Variants in WIPF2 observed in about 807,000 individuals in gnomAD.
WIPF2 encodes the protein WAS/WASL-interacting protein family member 2.
WIPF2 carries 23 observed loss-of-function variants against 38.8 expected under a neutral mutation model. That is an observed-to-expected ratio of 0.59 (90% CI 0.43 to 0.84). WIPF2 has a LOEUF of 0.84. Ranked by LOEUF, WIPF2 falls within the 40% of genes least tolerant of loss-of-function variation. The pLI is 0.00. For missense variants in WIPF2, 574 were observed against 580.5 expected, an observed-to-expected ratio of 0.99 and a Z score of 0.11; for synonymous variants, 210 against 223.2, an observed-to-expected ratio of 0.94 and a Z score of 0.53.
rs1490606129 is a variant in WIPF2, at chr17:40,220,569, GTGTGTATATATATATATATATATATATA to G, written c.-70+1079_-70+1106del. On this transcript the variant is annotated intron_variant, in intron 1 of 7. Coordinates refer to ENST00000323571, the MANE Select transcript of WIPF2 (RefSeq NM_133264.5). Reference sequence around the variant, plus strand: ...ACCACTACTCCCGCCTAACGTGTGTGTGTGTATATATATATATATATATATATATATATATATATATATATATATGTAT... The same window carrying G: ...ACCACTACTCCCGCCTAACGTGTGTGTATATATATATATATATATATGTAT... 1.4e-3 allele frequency: 131 copies of G among 91,994 alleles called. 3 individuals are homozygous for G. Among genetic ancestry groups the G allele is most frequent in the African/African-American group, 5.9e-3 (127 of 21,376 alleles). The allele number at this position is 91,994 out of a possible 1,614,324, so 5.7% of individuals were successfully genotyped here. A position where few individuals can be genotyped will look rare whatever the true frequency, so the allele number is the denominator to read the frequency against.
chr17:40,250,944 C>T (rs1472157779), intron 1 of WIPF2, among the ~76,000 whole-genome samples: 23 of 121,834 alleles, frequency 1.9e-4, no homozygotes, highest in South Asian at 2.7e-4. Context: ...TTTTGAGTCT[C>T]GCTTTGTCAC....
At chr17:40,261,452 C>T (rs1400994051) in intron 3 of WIPF2, among the ~76,000 whole-genome samples, 1 of 151,942 alleles carries the variant, frequency 6.6e-6, no homozygotes, top group Non-Finnish European at 1.5e-5. Context: ...CACGTGCCAC[C>T]ACGCCTGGCT....
rs534941527 is a variant in WIPF2, at chr17:40,264,809, G to T, written c.633G>T (p.Pro211=). 1.2e-6 allele frequency: 2 copies of T among 1,603,020 alleles called. No individual in the cohort carries two copies. Among genetic ancestry groups the T allele is most frequent in the Admixed American group, 1.7e-5 (1 of 57,978 alleles). Residue 211 remains proline, a synonymous_variant, in exon 5 of 8, where the codon CCG becomes CCT. Coordinates refer to ENST00000323571, the MANE Select transcript of WIPF2 (RefSeq NM_133264.5). ...PAYNREKPLP[P]TPGQRLHPGR... ...ACAACAGAGAGAAACCCTTGCCACCGACGCCTGGACAAAGGCTTCACCCTG... is the reference window on the plus strand; with the variant it reads ...ACAACAGAGAGAAACCCTTGCCACCTACGCCTGGACAAAGGCTTCACCCTG...
chr17:40,281,338 C>T lies in WIPF2; in HGVS notation c.*3113C>T, dbSNP rs914232224. On this transcript the variant is annotated 3_prime_UTR_variant, in exon 8 of 8. Transcript: ENST00000323571. ...GCCCTGTCTGGGAAGCAGGGCAAAC[C>T]TCCAGGTTTTTAAATGAGCTAGATG... The T allele has an allele frequency of 2.6e-5, 4 of 152,168 alleles. No individual in the cohort carries two copies. The East Asian group carries it at 7.7e-4, about 29-fold the overall frequency. 9.4% of individuals were successfully genotyped at this position (152,168 alleles called of 1,614,324 possible). A position where few individuals can be genotyped will look rare whatever the true frequency, so the allele number is the denominator to read the frequency against.
intron 1 of WIPF2, among the ~76,000 whole-genome samples, chr17:40,238,682 G>A (rs181916567): frequency 1.3e-5 from 2 of 151,648 alleles, no homozygotes; most frequent in East Asian, 1.9e-4. Context: ...GCACAATCTC[G>A]GCTCACTGCA....
chr17:40,252,612 C>T (rs1011619038), intron 1 of WIPF2, among the ~76,000 whole-genome samples: 2 of 149,192 alleles, frequency 1.3e-5, no homozygotes, highest in African/African-American at 2.5e-5. Flanking sequence ...TGCAGCGAGC[C>T]GAGATGATGT....
At chr17:40,249,622 T>G (rs2031487356) in intron 1 of WIPF2, among the ~76,000 whole-genome samples, 1 of 150,870 alleles carries the variant, frequency 6.6e-6, no homozygotes, top group Non-Finnish European at 1.5e-5. Flanking sequence ...CCCGGCTAAT[T>G]TTGTATGTTT....
rs184143293 is a variant in WIPF2 at position 40,268,148 on chromosome 17, A to C, written c.970+3002A>C. Among the ~76,000 whole-genome samples the C allele has an allele frequency of 4.6e-5, 7 of 152,210 alleles. No individual in the cohort carries two copies. The East Asian group carries it at 7.7e-4, about 17-fold the overall frequency. On this transcript the variant is annotated intron_variant, in intron 5 of 7. Coordinates refer to ENST00000323571, the MANE Select transcript of WIPF2 (RefSeq NM_133264.5). ...GGGCAACACAGCAAGACGTTGTCCC[A>C]AAAAAAGGGTAAAGGTTATATCATT...
At chr17:40,277,011 G>T (rs2032423908) in intron 6 of WIPF2, 72 bp from the exon 7 acceptor site, 2 of 1,313,388 alleles carry the variant, frequency 1.5e-6, no homozygotes, top group East Asian at 2.3e-5. Flanking sequence ...AAGTGGGGAG[G>T]GTCGAAGCGA....
chr17:40,250,496 A>G (rs1373132762), intron 1 of WIPF2, among the ~76,000 whole-genome samples: 2 of 145,208 alleles, frequency 1.4e-5, no homozygotes, highest in Admixed American at 6.9e-5. Flanking sequence ...TGATCCGCCC[A>G]CCTCGGCCTC....
chr17:40,224,231 C>CTTTTTTTTTTTT (rs57637591), intron 1 of WIPF2, among the ~76,000 whole-genome samples: 3 of 110,150 alleles, frequency 2.7e-5, no homozygotes, highest in Non-Finnish European at 3.7e-5. Context: ...CTTTTCTTTT[C>CTTTTTTTTTTTT]TTTTTTTTTT....
intron 1 of WIPF2, among the ~76,000 whole-genome samples, chr17:40,253,578 G>T (rs960508120): frequency 6.6e-6 from 1 of 152,152 alleles, no homozygotes; most frequent in Non-Finnish European, 1.5e-5. Flanking sequence ...TTAAAGCCTC[G>T]TATGTTAAAC....
chr17:40,225,013 G>A (rs940871167), intron 1 of WIPF2, among the ~76,000 whole-genome samples: 1 of 151,990 alleles, frequency 6.6e-6, no homozygotes, highest in African/African-American at 2.4e-5. Context: ...GATATGCCCC[G>A]GATTAGAGTG....
rs903469656 is a variant in WIPF2 at position 40,282,323 on chromosome 17, A to G, written c.*4098A>G. On this transcript the variant is annotated 3_prime_UTR_variant, in exon 8 of 8. Transcript: ENST00000323571. Reference sequence around the variant, plus strand: ...TGGGTTCCTTCTCTAGTGGTCTTAAATCTCATTCCACTGGTGGCAAGATGG... The same window carrying G: ...TGGGTTCCTTCTCTAGTGGTCTTAAGTCTCATTCCACTGGTGGCAAGATGG... 2 of 152,044 alleles carry G rather than the reference A, an allele frequency of 1.3e-5. No individual in the cohort carries two copies. The highest frequency in any genetic ancestry group is 2.9e-5 in the Non-Finnish European group (2 of 68,018). 9.4% of individuals were successfully genotyped at this position (152,044 alleles called of 1,614,324 possible).
intron 5 of WIPF2, among the ~76,000 whole-genome samples, chr17:40,266,401 A>C (rs2032089678): frequency 6.6e-6 from 1 of 152,200 alleles, no homozygotes; most frequent in Admixed American, 6.5e-5. Context: ...GTAAGTGGTC[A>C]GCTGTGCCCA....
intron 1 of WIPF2, among the ~76,000 whole-genome samples, chr17:40,233,950 C>T (rs998940293): frequency 1.3e-5 from 2 of 152,144 alleles, no homozygotes; most frequent in African/African-American, 4.8e-5. Context: ...GTAATCTCAG[C>T]TACTCGGGAG....
chr17:40,253,577 C>T (rs182609337), intron 1 of WIPF2, among the ~76,000 whole-genome samples: 9 of 152,260 alleles, frequency 5.9e-5, no homozygotes, highest in South Asian at 4.1e-4. Flanking sequence ...TTTAAAGCCT[C>T]GTATGTTAAA....
intron 1 of WIPF2, among the ~76,000 whole-genome samples, chr17:40,240,485 C>G (rs2031150945): frequency 6.6e-6 from 1 of 151,674 alleles, no homozygotes; most frequent in Admixed American, 6.6e-5. Context: ...TGGTGGGAAT[C>G]TGCTTGCTTC....
intron 1 of WIPF2, among the ~76,000 whole-genome samples, chr17:40,242,566 A>C (rs1219440232): frequency 4.0e-5 from 6 of 151,828 alleles, no homozygotes; most frequent in Non-Finnish European, 7.4e-5. Flanking sequence ...CGCCTGGCTA[A>C]TTTTTTTGTA....
Sources: allele counts gnomAD v4.1 joint callset (sites outside exome capture counted in the v4.1 genomes callset), GRCh38; gene constraint gnomAD v4.1.1; transcripts MANE v1.5; gene names NCBI Gene and HGNC (gene_info 2026-07-23, HGNC 2026-07-21).